VPS13A: variants seen among roughly 807,000 people sequenced by gnomAD.
VPS13A encodes intermembrane lipid transfer protein VPS13A.
Under a neutral mutation model 390.9 loss-of-function variants are expected in VPS13A, and 264 were observed. The observed-to-expected ratio is 0.68, with a 90% CI of 0.61 to 0.75. The LOEUF is 0.75. Among genes scored for constraint, VPS13A ranks in the 30% least tolerant of loss-of-function variants. VPS13A has a pLI of 0.00. For synonymous variants in VPS13A, 1,231 were observed against 1,227.1 expected (o/e 1.00, Z -0.07); for missense variants, 3,409 against 3,733.9 (o/e 0.91, Z 2.27).
chr9:77,411,385 C>T (rs780591646), intron 71 of VPS13A, among the ~76,000 whole-genome samples: 14 of 151,910 alleles, frequency 9.2e-5, no homozygotes, highest in Non-Finnish European at 1.8e-4. Context: ...AGAACTAGGC[C>T]GGGCACAGTG....
rs768844907 is a variant in VPS13A at position 77,407,567 on chromosome 9, T to G, written c.9434T>G (p.Phe3145Cys). ...AAGTCTGTATTTCATGCCAGAGAGT[T>G]TGGAAAAATAATTAACTTCAAGACC... ...RVKSVFHARE[F>C]GKIINFKTPE... Residue 3145 changes from phenylalanine to cysteine, a missense_variant, in exon 71 of 72, where the codon TTT (phenylalanine) becomes TGT (cysteine). By Grantham distance (205) the Phe-to-Cys change is radical (BLOSUM62 -2). Coordinates refer to ENST00000360280, the MANE Select transcript of VPS13A (RefSeq NM_033305.3). 1.9e-6 allele frequency: 3 copies of G among 1,613,188 alleles called. No individual in the cohort carries two copies. In the East Asian group the frequency reaches 6.7e-5, roughly 36 times the overall value.
Position 77,303,069 on chromosome 9 carries a change from T to G in VPS13A, c.3960+7T>G, listed in dbSNP as rs2131394654. On this transcript the variant is annotated splice_region_variant and intron_variant, in intron 34 of 71. Transcript: ENST00000360280. ...TCAGCTGAAACCAATGGAGGTAACT[T>G]TTTTTGGATACTTATCAATTTTTGT... 6.2e-7 allele frequency: 1 copy of G among 1,613,876 alleles called. No homozygotes were observed. Among genetic ancestry groups the G allele is most frequent in the South Asian group, 1.1e-5 (1 of 91,078 alleles).
intron 22 of VPS13A, among the ~76,000 whole-genome samples, chr9:77,254,621 G>A (rs1166406677): frequency 6.6e-6 from 1 of 152,158 alleles, no homozygotes. Context: ...CCTTTGAATA[G>A]TATTGACATC....
intron 46 of VPS13A, 144 bp from the exon 47 acceptor site, chr9:77,337,111 T>G: frequency 1.1e-6 from 1 of 921,364 alleles, no homozygotes; most frequent in African/African-American, 1.7e-5. Context: ...CTATCTTACT[T>G]ATATCGTAAA....
At chr9:77,344,767 A>G (rs1290486192) in intron 51 of VPS13A, among the ~76,000 whole-genome samples, 1 of 152,094 alleles carries the variant, frequency 6.6e-6, no homozygotes, top group East Asian at 1.9e-4. Flanking sequence ...TCAAGAAAAA[A>G]AAAAAAAAGT....
chr9:77,337,592 TTTAAGA>T, intron 47 of VPS13A, 55 bp downstream of exon 47: 1 of 1,557,046 alleles, frequency 6.4e-7, no homozygotes, highest in Non-Finnish European at 8.8e-7. Context: ...GTTTCAGTTT[TTTAAGA>T]TTAAGATCAA....
At chr9:77,359,492 A>T in intron 58 of VPS13A, 90 bp downstream of exon 58, 1 of 1,145,872 alleles carries the variant, frequency 8.7e-7, no homozygotes, top group Middle Eastern at 2.6e-4. Flanking sequence ...TGGACAAGTC[A>T]AAGATTTAAG....
At chr9:77,338,644 A>T (rs1009667021) in intron 47 of VPS13A, 1 of 152,220 alleles carries the variant, frequency 6.6e-6, no homozygotes, top group Non-Finnish European at 1.5e-5. Flanking sequence ...TATTTTGTGG[A>T]ATATTATTTA....
chr9:77,284,797 G>A (rs1827238975), intron 31 of VPS13A, among the ~76,000 whole-genome samples: 1 of 151,898 alleles, frequency 6.6e-6, no homozygotes, highest in African/African-American at 2.4e-5. Context: ...TCCACCTCCT[G>A]GGTTTCAGTG....
At chr9:77,344,331 AC>A in intron 51 of VPS13A, 50 bp downstream of exon 51, 1 of 1,573,060 alleles carries the variant, frequency 6.4e-7, no homozygotes, top group Non-Finnish European at 8.7e-7. Context: ...GCTAAAATAT[AC>A]TGACTAGTAT....
rs2131676661 is a variant in VPS13A at position 77,416,568 on chromosome 9, ATTGTAC to A, written c.*565_*570del. The stretch of plus-strand genomic sequence containing the variant: ...TTTTTAATATAAAGGATAGGTTTGA[ATTGTAC>A]TTAAAATGCATAGCATTATTAAAAA... On this transcript the variant is annotated 3_prime_UTR_variant, in exon 72 of 72. Transcript: ENST00000360280. The A allele has an allele frequency of 6.5e-6, 1 of 153,250 alleles. No homozygotes were observed. The highest frequency in any genetic ancestry group is 2.0e-4 in the South Asian group (1 of 4,882). 9.5% of individuals were successfully genotyped at this position (153,250 alleles called of 1,614,324 possible). A position where few individuals can be genotyped will look rare whatever the true frequency, so the allele number is the denominator to read the frequency against.
intron 68 of VPS13A, among the ~76,000 whole-genome samples, chr9:77,394,799 C>T (rs4744830): frequency 0.46 from 69,936 of 152,028 alleles, 16,639 homozygotes; most frequent in South Asian, 0.58. Flanking sequence ...TGCTTTTATG[C>T]TATGGAGGTG....
chr9:77,312,715 G>C (rs574930970), intron 35 of VPS13A, among the ~76,000 whole-genome samples: 6 of 151,984 alleles, frequency 3.9e-5, no homozygotes, highest in Non-Finnish European at 7.4e-5. Flanking sequence ...ATGCCCAGCC[G>C]TTCATATAAT....
rs1197021059 is a variant in VPS13A, at chr9:77,393,741, TTAAG to T, written c.9190-9491_9190-9488del. Among the ~76,000 whole-genome samples, 8 of 152,302 alleles carry T rather than the reference TTAAG, an allele frequency of 5.3e-5. 1 individual carries two copies. Among genetic ancestry groups the T allele is most frequent in the African/African-American group, 1.7e-4 (7 of 41,572 alleles). On this transcript the variant is annotated intron_variant, in intron 68 of 71. Coordinates refer to ENST00000360280, the MANE Select transcript of VPS13A (RefSeq NM_033305.3). ...GTGGGCTTAAAATATTTAGTAAACT[TTAAG>T]TAATTCTTAAGGACTCTAGGATTTT... is the stretch of plus-strand genomic sequence containing the variant.
chr9:77,384,865 A>G, intron 68 of VPS13A: 1 of 1,433,330 alleles, frequency 7.0e-7, no homozygotes, highest in African/African-American at 1.4e-5. Flanking sequence ...AATGTATCTT[A>G]CATCCAAAGT....
intron 55 of VPS13A, among the ~76,000 whole-genome samples, 170 bp from the exon 56 acceptor site, chr9:77,357,522 T>C (rs952194595): frequency 1.3e-5 from 2 of 152,088 alleles, no homozygotes; most frequent in African/African-American, 4.8e-5. Context: ...AGTGAAGCTT[T>C]GTAAGAATTA....
At chr9:77,315,147 C>CT (rs897220064) in intron 37 of VPS13A, 106 bp from the exon 38 acceptor site, 135 of 1,035,328 alleles carry the variant, frequency 1.3e-4, no homozygotes, top group Middle Eastern at 6.1e-4. Context: ...CTTCAGAATG[C>CT]TTTTTTTTGT....
intron 32 of VPS13A, among the ~76,000 whole-genome samples, chr9:77,293,922 G>C (rs1047962420): frequency 6.6e-6 from 1 of 151,994 alleles, no homozygotes; most frequent in Admixed American, 6.6e-5. Context: ...TAATTTTCTA[G>C]AGACAAGGTC....
intron 22 of VPS13A, among the ~76,000 whole-genome samples, chr9:77,255,301 G>A (rs1344133994): frequency 2.0e-5 from 3 of 151,988 alleles, no homozygotes; most frequent in Non-Finnish European, 2.9e-5. Context: ...TGTTAATGGG[G>A]TATGTTACCT....
Sources: gnomAD v4.1 joint callset for allele counts (sites outside exome capture counted in the v4.1 genomes callset) on GRCh38, gnomAD v4.1.1 for gene constraint, MANE v1.5 for transcripts, NCBI Gene and HGNC (gene_info 2026-07-23, HGNC 2026-07-21) for gene names.